Variants in KHDRBS3 observed in about 807,000 individuals in gnomAD.
KHDRBS3 encodes KH RNA binding domain containing, signal transduction associated 3, also known as KH domain-containing, RNA-binding, signal transduction-associated protein 3.
In KHDRBS3, 23 loss-of-function variants were observed where a neutral mutation model predicts 45.6. The ratio of observed to expected loss-of-function variants is 0.50; its 90% CI spans 0.36 to 0.72. KHDRBS3 has a LOEUF of 0.72. KHDRBS3 is among the 30% of genes least tolerant of loss of function. The pLI, the probability that KHDRBS3 is intolerant of heterozygous loss-of-function variation, is 0.00. For missense variants in KHDRBS3, 352 were observed against 424.8 expected, an observed-to-expected ratio of 0.83 and a Z score of 1.51; for synonymous variants, 162 against 156.5, an observed-to-expected ratio of 1.04 and a Z score of -0.26.
At chr8:135,561,933 G>C (rs1254976509) in intron 5 of KHDRBS3, among the ~76,000 whole-genome samples, 1 of 151,966 alleles carries the variant, frequency 6.6e-6, no homozygotes, top group Non-Finnish European at 1.5e-5. Context: ...CAGATTCACA[G>C]TGTTTGTGTT....
chr8:135,606,533 C>A (rs1446863257), intron 6 of KHDRBS3, among the ~76,000 whole-genome samples: 1 of 152,124 alleles, frequency 6.6e-6, no homozygotes, highest in Non-Finnish European at 1.5e-5. Flanking sequence ...ATTCTGCCCC[C>A]TCCAGCAGCA....
chr8:135,633,098 T>G (rs1241060940), intron 7 of KHDRBS3, among the ~76,000 whole-genome samples: 1 of 152,192 alleles, frequency 6.6e-6, no homozygotes, highest in African/African-American at 2.4e-5. Flanking sequence ...TTTATACATA[T>G]ATATAGTTTA....
intron 2 of KHDRBS3, among the ~76,000 whole-genome samples, chr8:135,523,022 A>C (rs1824996081): frequency 6.6e-6 from 1 of 152,168 alleles, no homozygotes; most frequent in Non-Finnish European, 1.5e-5. Flanking sequence ...TCTATTTATG[A>C]ATCCTTATGC....
At chr8:135,624,111 G>A (rs955083392) in intron 7 of KHDRBS3, among the ~76,000 whole-genome samples, 3 of 152,154 alleles carry the variant, frequency 2.0e-5, no homozygotes, top group African/African-American at 7.2e-5. Context: ...GATTACAGTG[G>A]ACAGCAGATA....
Position 135,521,926 on chromosome 8 carries a change from A to G in KHDRBS3, c.207+571A>G, listed in dbSNP as rs1460887214. Among the ~76,000 whole-genome samples the G allele has an allele frequency of 5.3e-5, 8 of 152,192 alleles. No individual in the cohort carries two copies. The South Asian group carries it at 1.7e-3, about 32-fold the overall frequency. Reference sequence around the variant, plus strand: ...TAAATTTCTCTGAACAGTTTTATACAAGTTGTTTCCTTTTCTTTTTCTTTT... The same window carrying G: ...TAAATTTCTCTGAACAGTTTTATACGAGTTGTTTCCTTTTCTTTTTCTTTT... On this transcript the variant is annotated intron_variant, in intron 2 of 8. Coordinates refer to ENST00000355849, the MANE Select transcript of KHDRBS3 (RefSeq NM_006558.3).
At chr8:135,486,636 A>T (rs1822879099) in intron 1 of KHDRBS3, among the ~76,000 whole-genome samples, 1 of 152,230 alleles carries the variant, frequency 6.6e-6, no homozygotes, top group African/African-American at 2.4e-5. Context: ...CCTCAGCTTC[A>T]TTAGAAAGGA....
chr8:135,537,523 G>C (rs903804563), intron 2 of KHDRBS3, among the ~76,000 whole-genome samples: 1 of 152,144 alleles, frequency 6.6e-6, no homozygotes, highest in Admixed American at 6.5e-5. Context: ...GTGAAACTCA[G>C]ATATACTTAC....
chr8:135,562,684 A>G (rs562605375), intron 5 of KHDRBS3, among the ~76,000 whole-genome samples: 4 of 152,366 alleles, frequency 2.6e-5, no homozygotes, highest in African/African-American at 9.6e-5. Flanking sequence ...AGGTCAGTAC[A>G]CAAAAACGTA....
chr8:135,516,385 A>G (rs912368424), intron 1 of KHDRBS3, among the ~76,000 whole-genome samples: 1 of 152,186 alleles, frequency 6.6e-6, no homozygotes, highest in African/African-American at 2.4e-5. Context: ...CAAACATGTA[A>G]TGCTTTGTGC....
At chr8:135,499,673 T>C (rs551429736) in intron 1 of KHDRBS3, among the ~76,000 whole-genome samples, 2 of 152,376 alleles carry the variant, frequency 1.3e-5, no homozygotes, top group South Asian at 4.1e-4. Context: ...TTTTAAGTTA[T>C]TCATTTTCAC....
At position 135,484,025 on chromosome 8, in the gene KHDRBS3, T is replaced by G. The variant is rs76502415; in HGVS notation, c.88+26071T>G. On this transcript the variant is annotated intron_variant, in intron 1 of 8. Coordinates refer to ENST00000355849, the MANE Select transcript of KHDRBS3 (RefSeq NM_006558.3). ...GGTCTGTCTTATCCCTGTGGCTTAC[T>G]AGCTGTATGTCCTGGGGGAAGTAAT... 4.9e-3 allele frequency among the ~76,000 whole-genome samples: 739 copies of G among 152,326 alleles called. 7 individuals are homozygous for G. Among genetic ancestry groups the G allele is most frequent in the African/African-American group, 0.017 (724 of 41,570 alleles).
intron 1 of KHDRBS3, among the ~76,000 whole-genome samples, chr8:135,495,892 A>C (rs1292892875): frequency 1.3e-5 from 2 of 152,072 alleles, no homozygotes; most frequent in Admixed American, 1.3e-4. Context: ...TCTGAGATGG[A>C]AGTAGTTACT....
chr8:135,557,427 T>A (rs370182838), intron 4 of KHDRBS3, 21 bp from the exon 5 acceptor site: 2 of 1,542,150 alleles, frequency 1.3e-6, no homozygotes, highest in African/African-American at 2.8e-5. Context: ...TGAATTTTGC[T>A]ATCTTCTGTC....
intron 5 of KHDRBS3, among the ~76,000 whole-genome samples, chr8:135,579,611 A>G (rs1250484966): frequency 6.6e-6 from 1 of 152,220 alleles, no homozygotes; most frequent in African/African-American, 2.4e-5. Context: ...TTCTGGGATT[A>G]CAGGTGTGAG....
At position 135,512,997 on chromosome 8, in the gene KHDRBS3, G is replaced by A. The variant is rs935191152; in HGVS notation, c.89-8240G>A. Among the ~76,000 whole-genome samples the A allele has an allele frequency of 1.1e-3, 167 of 152,134 alleles. 3 individuals carry two copies. The highest frequency in any genetic ancestry group is 3.5e-4 in the Non-Finnish European group (24 of 67,996). ...GGAGGCCGAGGCGGGCGGATGACAA[G>A]GTCAGGAGATCGAGACCACGGTGAA... is the stretch of plus-strand genomic sequence containing the variant. On this transcript the variant is annotated intron_variant, in intron 1 of 8. Coordinates refer to ENST00000355849, the MANE Select transcript of KHDRBS3 (RefSeq NM_006558.3).
intron 1 of KHDRBS3, among the ~76,000 whole-genome samples, chr8:135,503,578 T>C (rs1196836889): frequency 6.6e-6 from 1 of 152,030 alleles, no homozygotes; most frequent in Non-Finnish European, 1.5e-5. Flanking sequence ...GTTTTTTTTT[T>C]TTCTTCCCCC....
intron 1 of KHDRBS3, among the ~76,000 whole-genome samples, chr8:135,484,185 C>T (rs1762598260): frequency 6.6e-6 from 1 of 152,180 alleles, no homozygotes; most frequent in Non-Finnish European, 1.5e-5. Flanking sequence ...AAATAAAATC[C>T]TAAGCCACCC....
intron 1 of KHDRBS3, among the ~76,000 whole-genome samples, chr8:135,481,710 G>A (rs999394082): frequency 1.3e-5 from 2 of 152,178 alleles, no homozygotes; most frequent in Non-Finnish European, 2.9e-5. Flanking sequence ...GTCGACTAAC[G>A]TTGTCAAATT....
chr8:135,617,793 A>G (rs1256366856), intron 7 of KHDRBS3, among the ~76,000 whole-genome samples: 4 of 152,236 alleles, frequency 2.6e-5, no homozygotes, highest in African/African-American at 9.6e-5. Flanking sequence ...GAACGTCTCC[A>G]GTCAATAAAA....
Sources: gnomAD v4.1 joint callset for allele counts (sites outside exome capture counted in the v4.1 genomes callset) on GRCh38, gnomAD v4.1.1 for gene constraint, MANE v1.5 for transcripts, NCBI Gene and HGNC (gene_info 2026-07-23, HGNC 2026-07-21) for gene names.